Variants in EIF4E1B observed in about 807,000 individuals in gnomAD.
EIF4E1B encodes the protein eukaryotic translation initiation factor 4E family member 1B, also known as eukaryotic translation initiation factor 4E type 1B.
A neutral mutation model predicts 31.3 loss-of-function variants in EIF4E1B; 22 were observed. The observed-to-expected ratio is 0.70, with a 90% CI of 0.50 to 1.00. The LOEUF (loss-of-function observed/expected upper bound fraction) is 1.00, where lower values mean the gene tolerates loss of function less well. Ranked by LOEUF, EIF4E1B falls within the 50% of genes least tolerant of loss-of-function variation. The probability of loss-of-function intolerance (pLI) is 0.00; values close to 1 mark genes in which losing one functional copy is unlikely to be tolerated. For missense variants in EIF4E1B, 290 were observed against 311.6 expected (o/e 0.93, Z 0.52); for synonymous variants, 126 against 120.2 (o/e 1.05, Z -0.31).
At chr5:176,642,598 C>CGG in intron 2 of EIF4E1B, 112 bp from the exon 3 acceptor site, 1 of 859,770 alleles carries the variant, frequency 1.2e-6, no homozygotes, top group South Asian at 1.9e-5. Flanking sequence ...GTCAGTGTCT[C>CGG]TGCTTCTGCC....
At chr5:176,635,729 C>T (rs1055608626) in intron 1 of EIF4E1B, among the ~76,000 whole-genome samples, 123 of 152,218 alleles carry the variant, frequency 8.1e-4, no homozygotes, top group African/African-American at 2.9e-3. Context: ...ATGGCTGCTG[C>T]AGCTCCTGCC....
chr5:176,643,822 C>T, intron 5 of EIF4E1B, 88 bp downstream of exon 5: 1 of 1,380,978 alleles, frequency 7.2e-7, no homozygotes, highest in South Asian at 1.3e-5. Context: ...CTCCCTAGGG[C>T]CTTTCAGCCT....
Position 176,645,015 on chromosome 5 carries a change from A to G in EIF4E1B, c.361-115A>G, listed in dbSNP as rs1760666157. The G allele has an allele frequency of 4.5e-6, 4 of 893,136 alleles. No homozygotes were observed. The highest frequency in any genetic ancestry group is 2.7e-5 in the East Asian group (1 of 37,324). The allele number at this position is 893,136 out of a possible 1,614,324, so 55.3% of individuals were successfully genotyped here. A position where few individuals can be genotyped will look rare whatever the true frequency, so the allele number is the denominator to read the frequency against. ...GCTTGCACTGAGGGAAGGGAGGATA[A>G]GAGAATCTGGCCTACTTAGGGCCTC... is the stretch of plus-strand genomic sequence containing the variant. On this transcript the variant is annotated intron_variant, in intron 6 of 8. Coordinates refer to ENST00000318682, the MANE Select transcript of EIF4E1B (RefSeq NM_001099408.2). The surrounding 1 kb of genome is among the most constrained non-coding windows in gnomAD (Gnocchi z 5.4).
intron 2 of EIF4E1B, 23 bp downstream of exon 2, chr5:176,642,188 G>C (rs1001729241): frequency 1.3e-5 from 2 of 152,884 alleles, no homozygotes; most frequent in African/African-American, 4.8e-5. Context: ...GTAAGGTGGG[G>C]GCTGTGGGGA....
chr5:176,643,798 G>A (rs946437043), intron 5 of EIF4E1B, 64 bp downstream of exon 5: 17 of 1,527,766 alleles, frequency 1.1e-5, no homozygotes, highest in South Asian at 4.8e-5. Context: ...CCCTCTCTCC[G>A]GGTTGAGCCA....
chr5:176,642,872 G>A, intron 3 of EIF4E1B, 70 bp downstream of exon 3: 1 of 756,502 alleles, frequency 1.3e-6, no homozygotes, highest in East Asian at 1.5e-4. Context: ...CCCCGCCCCA[G>A]GTGGGCGGGG....
chr5:176,633,249 A>C (rs184249924), intron 1 of EIF4E1B, among the ~76,000 whole-genome samples: 76 of 151,932 alleles, frequency 5.0e-4, no homozygotes, highest in Middle Eastern at 3.4e-3. Flanking sequence ...TTGTTTTAAG[A>C]GATAAGGTTT....
intron 1 of EIF4E1B, among the ~76,000 whole-genome samples, chr5:176,637,764 T>A (rs1325790166): frequency 6.6e-6 from 1 of 152,008 alleles, no homozygotes; most frequent in African/African-American, 2.4e-5. Flanking sequence ...AGGAGGGCCT[T>A]GTGGGCTCCT....
In EIF4E1B at chr5:176,645,209, G is replaced by A. The variant is rs115365515; in HGVS notation, c.440G>A (p.Arg147His). The change falls in exon 7 of 9, where the codon CGC becomes CAC. Residue 147 changes from arginine (R) to histidine (H), a missense_variant. Transcript: ENST00000318682. This position sits in a 1 kb window ranked among gnomAD's most constrained non-coding sequence, Gnocchi z 5.4. ...RWLVSLAKQQ[R>H]HIELDRLWLE... ...CTGGTCAGCCTGGCCAAGCAGCAGCGCCACATTGAGCTGGACCGGCTGTGG... is the reference window on the plus strand; with the variant it reads ...CTGGTCAGCCTGGCCAAGCAGCAGCACCACATTGAGCTGGACCGGCTGTGG... 5.8e-3 allele frequency: 9,287 copies of A among 1,590,688 alleles called. 34 individuals are homozygous for A. Among genetic ancestry groups the A allele is most frequent in the Non-Finnish European group, 7.0e-3 (8,160 of 1,168,816 alleles).
intron 2 of EIF4E1B, among the ~76,000 whole-genome samples, 176 bp downstream of exon 2, chr5:176,642,341 T>A (rs932810196): frequency 3.9e-5 from 6 of 152,202 alleles, no homozygotes; most frequent in Admixed American, 1.3e-4. Context: ...ATTAAACTTT[T>A]AAAAAACTCA....
At chr5:176,641,764 C>G (rs1203018089) in intron 1 of EIF4E1B, 4 of 152,476 alleles carry the variant, frequency 2.6e-5, no homozygotes, top group Non-Finnish European at 4.4e-5. Flanking sequence ...GTCTGGGACC[C>G]TAAAAGTGCC....
chr5:176,635,222 G>A (rs550288812), intron 1 of EIF4E1B, among the ~76,000 whole-genome samples: 1 of 152,156 alleles, frequency 6.6e-6, no homozygotes, highest in East Asian at 1.9e-4. Context: ...AGGACAAGCT[G>A]AAGAGAGTGC....
At chr5:176,636,015 C>T (rs1760486555) in intron 1 of EIF4E1B, among the ~76,000 whole-genome samples, 1 of 152,134 alleles carries the variant, frequency 6.6e-6, no homozygotes, top group African/African-American at 2.4e-5. Flanking sequence ...CGGGGTTTCA[C>T]CTTGTTGGCT....
At chr5:176,631,950 C>T (rs1299364332) in intron 1 of EIF4E1B, among the ~76,000 whole-genome samples, 1 of 152,136 alleles carries the variant, frequency 6.6e-6, no homozygotes, top group Non-Finnish European at 1.5e-5. Flanking sequence ...CTAACTGTGG[C>T]ACATCCACCC....
chr5:176,643,501 TGA>T (rs1463738150), intron 4 of EIF4E1B, 136 bp from the exon 5 acceptor site: 12 of 901,638 alleles, frequency 1.3e-5, no homozygotes, highest in Non-Finnish European at 1.7e-5. Context: ...TTCATTCACC[TGA>T]GAGGGGAATG....
intron 1 of EIF4E1B, among the ~76,000 whole-genome samples, chr5:176,635,030 TG>T (rs1451711293): frequency 6.6e-6 from 1 of 152,020 alleles, no homozygotes; most frequent in East Asian, 1.9e-4. Context: ...CCACTGGGTT[TG>T]GAGTCATTAG....
intron 5 of EIF4E1B, 104 bp from the exon 6 acceptor site, chr5:176,644,272 T>G: frequency 1.6e-6 from 2 of 1,228,834 alleles, no homozygotes; most frequent in South Asian, 1.5e-5. Flanking sequence ...AAGCAAAGGC[T>G]TGGAGGCCAT....
intron 3 of EIF4E1B, 67 bp downstream of exon 3, chr5:176,642,869 CCAGGTG>C: frequency 7.0e-7 from 1 of 1,435,220 alleles, no homozygotes; most frequent in Non-Finnish European, 9.4e-7. Context: ...CCCCCCCGCC[CCAGGTG>C]GGCGGGGCAG....
At chr5:176,641,033 T>G (rs890406600) in intron 1 of EIF4E1B, among the ~76,000 whole-genome samples, 29 of 152,188 alleles carry the variant, frequency 1.9e-4, no homozygotes, top group African/African-American at 6.8e-4. Flanking sequence ...AATACAAACA[T>G]CCTGGGCCTG....
Sources: gnomAD v4.1 joint callset for allele counts (sites outside exome capture counted in the v4.1 genomes callset) on GRCh38, gnomAD v4.1.1 for gene constraint, Gnocchi (gnomAD v3.1) non-coding constraint, MANE v1.5 for transcripts, NCBI Gene and HGNC (gene_info 2026-07-23, HGNC 2026-07-21) for gene names.